Variants in PANK2 observed in about 807,000 individuals in gnomAD.
The protein encoded by PANK2 is pantothenate kinase 2, also known as pantothenate kinase 2, mitochondrial.
PANK2 carries 36 observed loss-of-function variants against 43.1 expected under a neutral mutation model. The observed-to-expected ratio is 0.84, with a 90% CI of 0.64 to 1.10. The LOEUF is 1.10. PANK2 is among the 50% of genes least tolerant of loss of function. The pLI is 0.00. For synonymous variants in PANK2, 281 were observed against 238.2 expected (o/e 1.18, Z -1.66); for missense variants, 576 against 593.3 (o/e 0.97, Z 0.30).
intron 1 of PANK2, among the ~76,000 whole-genome samples, chr20:3,892,340 C>CAA (rs11483009): frequency 1.6e-3 from 224 of 142,356 alleles, no homozygotes; most frequent in East Asian, 3.6e-3. Flanking sequence ...TGAGACTCCT[C>CAA]AAAAAAAAAA....
intron 1 of PANK2, among the ~76,000 whole-genome samples, chr20:3,894,944 T>C (rs1049048774): frequency 6.6e-6 from 1 of 152,186 alleles, no homozygotes; most frequent in Admixed American, 6.6e-5. Flanking sequence ...CCCTGCCTTC[T>C]ATCTGGGGAG....
chr20:3,892,796 C>T (rs2090145593), intron 1 of PANK2, among the ~76,000 whole-genome samples: 1 of 151,798 alleles, frequency 6.6e-6, no homozygotes, highest in Non-Finnish European at 1.5e-5. Flanking sequence ...TTCTTGTGGT[C>T]CTGGTTGTAG....
intron 1 of PANK2, among the ~76,000 whole-genome samples, chr20:3,897,872 G>T (rs1022337935): frequency 1.3e-5 from 2 of 152,050 alleles, no homozygotes; most frequent in Admixed American, 6.6e-5. Flanking sequence ...GGGCATGGTG[G>T]TACGAGCCTG....
At chr20:3,916,166 T>C (rs181010493) in intron 4 of PANK2, among the ~76,000 whole-genome samples, 45 of 152,362 alleles carry the variant, frequency 3.0e-4, no homozygotes, top group Admixed American at 2.6e-3. Flanking sequence ...TTAATACTTT[T>C]GTTAGATATA....
rs370409685 is a variant in PANK2, at chr20:3,894,239, GTTGT to G, written c.298+4526_298+4529del. ...AGCCACCGTGCCTGACCGAAAAGAT[GTTGT>G]TTGTTTGTTTGTTTTTGAGACAGTT... is the stretch of plus-strand genomic sequence containing the variant. On this transcript the variant is annotated intron_variant, in intron 1 of 6. Coordinates refer to ENST00000610179, the MANE Select transcript of PANK2 (RefSeq NM_001386393.1). Among the ~76,000 whole-genome samples, 478 of 137,918 alleles carry G rather than the reference GTTGT, an allele frequency of 3.5e-3. 1 individual carries two copies. Among genetic ancestry groups the G allele is most frequent in the Middle Eastern group, 0.03 (6 of 198 alleles). The allele number at this position is 137,918 out of a possible 152,430, so 90.5% of individuals were successfully genotyped here. A position where few individuals can be genotyped will look rare whatever the true frequency, so the allele number is the denominator to read the frequency against.
chr20:3,898,234 C>G (rs187671703), intron 1 of PANK2, among the ~76,000 whole-genome samples: 9 of 150,814 alleles, frequency 6.0e-5, no homozygotes, highest in South Asian at 4.2e-4. Context: ...TGGAGTCTTT[C>G]TGTCACCCAG....
In PANK2 at chr20:3,894,882, G is replaced by A. The variant is rs191986574; in HGVS notation, c.298+5154G>A. 5.9e-3 allele frequency among the ~76,000 whole-genome samples: 898 copies of A among 152,266 alleles called. 10 individuals carry two copies. Among genetic ancestry groups the A allele is most frequent in the African/African-American group, 0.021 (856 of 41,546 alleles). On this transcript the variant is annotated intron_variant, in intron 1 of 6. Coordinates refer to ENST00000610179, the MANE Select transcript of PANK2 (RefSeq NM_001386393.1). ...AATGGTACAGTATATTACTTTAGGG[G>A]CCATGTGTAAGAATCATGCAGTTGG...
chr20:3,898,882 G>A (rs1046212540), intron 1 of PANK2, among the ~76,000 whole-genome samples: 51 of 150,734 alleles, frequency 3.4e-4, no homozygotes, highest in African/African-American at 1.2e-3. Flanking sequence ...GTTTTTTTTT[G>A]TTTGTTTGTT....
At position 3,923,237 on chromosome 20, in the gene PANK2, C is replaced by T. The variant is rs1321287935; in HGVS notation, c.1333-7C>T. ...ATTGCACTTATTTTTGGTGTATTTT[C>T]TTTCAGGGTTATTTTGGAGCTGTTG... On this transcript the variant is annotated splice_region_variant and splice_polypyrimidine_tract_variant and intron_variant, in intron 6 of 6. Transcript: ENST00000610179. The T allele has an allele frequency of 6.2e-7, 1 of 1,614,104 alleles. No individual in the cohort carries two copies. The highest frequency in any genetic ancestry group is 1.1e-5 in the South Asian group (1 of 91,086).
At chr20:3,912,925 T>C in intron 4 of PANK2, among the ~76,000 whole-genome samples, 1 of 98,418 alleles carries the variant, frequency 1.0e-5, no homozygotes, top group Admixed American at 1.2e-4. Context: ...AGTGAGACTC[T>C]GTCTCAAAAA....
At chr20:3,915,918 C>T (rs1424676758) in intron 4 of PANK2, among the ~76,000 whole-genome samples, 1 of 152,114 alleles carries the variant, frequency 6.6e-6, no homozygotes, top group Non-Finnish European at 1.5e-5. Context: ...TGTGAGTCAT[C>T]CAACTTGTTC....
At position 3,889,462 on chromosome 20, in the gene PANK2, T is replaced by C; in HGVS notation, c.32T>C (p.Leu11Pro). 1 of 1,544,206 alleles carries C rather than the reference T, an allele frequency of 6.5e-7. No individual in the cohort carries two copies. Among genetic ancestry groups the C allele is most frequent in the African/African-American group, 1.4e-5 (1 of 73,378 alleles). The stretch of plus-strand genomic sequence containing the variant: ...GGCTTGCTCGGGCGGCAGCGACTGC[T>C]GCTGCGGATGGGAGGGGGCCGGCTC... The change falls in exon 1 of 7, where the codon CTG becomes CCG. Residue 11 changes from leucine (L) to proline (P), a missense_variant. Coordinates refer to ENST00000610179, the MANE Select transcript of PANK2 (RefSeq NM_001386393.1).
intron 1 of PANK2, among the ~76,000 whole-genome samples, chr20:3,900,133 T>A (rs2090277926): frequency 6.6e-6 from 1 of 151,846 alleles, no homozygotes; most frequent in Non-Finnish European, 1.5e-5. Context: ...TACAGTGGAG[T>A]AGCATTCTCC....
rs1898555152 is a variant in PANK2 at position 3,926,092 on chromosome 20, T to G, written c.*2798T>G. The G allele has an allele frequency of 6.6e-6, 1 of 152,230 alleles. No individual in the cohort carries two copies. The highest frequency in any genetic ancestry group is 6.6e-5 in the Admixed American group (1 of 15,256). The allele number at this position is 152,230 out of a possible 1,614,324, so 9.4% of individuals were successfully genotyped here. A position where few individuals can be genotyped will look rare whatever the true frequency, so the allele number is the denominator to read the frequency against. ...TGGATGGCCAGAATGGAGAGATGCTTAGAGGGCTGTGTTGGGAAGTGGTGA... is the reference window on the plus strand; with the variant it reads ...TGGATGGCCAGAATGGAGAGATGCTGAGAGGGCTGTGTTGGGAAGTGGTGA... On this transcript the variant is annotated 3_prime_UTR_variant, in exon 7 of 7. Coordinates refer to ENST00000610179, the MANE Select transcript of PANK2 (RefSeq NM_001386393.1).
Position 3,912,519 on chromosome 20 carries a change from G to A in PANK2, c.967G>A (p.Glu323Lys). ...TCTTACTGGCTGTACCACTTTTGAA[G>A]AAGCTCTTGAAATGGCATCTCGTGG... is the stretch of plus-strand genomic sequence containing the variant. Residue 323 changes from glutamate (E) to lysine (K), a missense_variant, in exon 4 of 7, where the codon GAA (glutamate) becomes AAA (lysine). Coordinates refer to ENST00000610179, the MANE Select transcript of PANK2 (RefSeq NM_001386393.1). 1.2e-6 allele frequency: 2 copies of A among 1,614,162 alleles called. No homozygotes were observed. Among genetic ancestry groups the A allele is most frequent in the South Asian group, 1.1e-5 (1 of 91,074 alleles).
intron 4 of PANK2, among the ~76,000 whole-genome samples, chr20:3,916,110 C>G (rs1027050646): frequency 6.6e-5 from 10 of 152,122 alleles, no homozygotes; most frequent in Non-Finnish European, 1.2e-4. Context: ...TGATTTAGAT[C>G]TTTGCTTTCT....
rs144289462 is a variant in PANK2 at position 3,890,404 on chromosome 20, C to T, written c.298+676C>T. The stretch of plus-strand genomic sequence containing the variant: ...GAAACAACATCTTTCTGAATTTTGC[C>T]TTGGGAGTTGCATACGCTCCTCCCA... On this transcript the variant is annotated intron_variant, in intron 1 of 6. Coordinates refer to ENST00000610179, the MANE Select transcript of PANK2 (RefSeq NM_001386393.1). 1.7e-3 allele frequency among the ~76,000 whole-genome samples: 262 copies of T among 152,326 alleles called. 2 individuals are homozygous for T. Among genetic ancestry groups the T allele is most frequent in the African/African-American group, 6.2e-3 (257 of 41,570 alleles).
At chr20:3,907,024 T>G (rs1443931151) in intron 1 of PANK2, among the ~76,000 whole-genome samples, 1 of 151,808 alleles carries the variant, frequency 6.6e-6, no homozygotes, top group Admixed American at 6.6e-5. Context: ...CTTGGTCTCT[T>G]GACCTTGTGA....
chr20:3,902,581 G>GTTT (rs11087610), intron 1 of PANK2, among the ~76,000 whole-genome samples: 1 of 146,520 alleles, frequency 6.8e-6, no homozygotes, highest in Non-Finnish European at 1.5e-5. Context: ...ACCTGGCCTA[G>GTTT]TTTTTTTTTT....
Sources: allele counts gnomAD v4.1 joint callset (sites outside exome capture counted in the v4.1 genomes callset), GRCh38; gene constraint gnomAD v4.1.1; transcripts MANE v1.5; gene names NCBI Gene and HGNC (gene_info 2026-07-23, HGNC 2026-07-21).